REDIC1: variants seen among roughly 807,000 people sequenced by gnomAD.
REDIC1 encodes the protein HEI10 Interacting Protein 1.
chr12:39,785,744 C>G, the REDIC1 span, among the ~76,000 whole-genome samples: 1 of 152,144 alleles, frequency 6.6e-6, no homozygotes, highest in Non-Finnish European at 1.5e-5. Flanking sequence ...TGCCCAAGAC[C>G]ATGGGAACCC....
chr12:39,677,784 AG>A, the REDIC1 span, among the ~76,000 whole-genome samples: 1 of 152,332 alleles, frequency 6.6e-6, no homozygotes, highest in Non-Finnish European at 1.5e-5. Context: ...CAACTCCAAA[AG>A]GAACCCTGAA....
At chr12:39,837,437 CT>C in the REDIC1 span, among the ~76,000 whole-genome samples, 28 of 135,930 alleles carry the variant, frequency 2.1e-4, no homozygotes, top group African/African-American at 7.3e-4. Flanking sequence ...TGGGCAAGGA[CT>C]TCATGTCCAA....
At chr12:39,841,857 C>A in the REDIC1 span, among the ~76,000 whole-genome samples, 1 of 151,918 alleles carries the variant, frequency 6.6e-6, no homozygotes, top group East Asian at 1.9e-4. Flanking sequence ...TGCAAACAGA[C>A]CAAGTAAGTC....
the REDIC1 span, among the ~76,000 whole-genome samples, chr12:39,678,947 C>T: frequency 8.6e-5 from 13 of 151,930 alleles, no homozygotes; most frequent in African/African-American, 3.1e-4. Context: ...AGGGACATAC[C>T]TTAAGATAAT....
chr12:39,763,433 T>C, the REDIC1 span, among the ~76,000 whole-genome samples: 1 of 152,232 alleles, frequency 6.6e-6, no homozygotes, highest in East Asian at 1.9e-4. Flanking sequence ...TCCATGTATT[T>C]ATTCATTTGA....
chr12:39,640,950 T>C, the REDIC1 span: 3 of 1,609,168 alleles, frequency 1.9e-6, no homozygotes, highest in Non-Finnish European at 2.5e-6. Flanking sequence ...TGCTGCTTTT[T>C]TCAGGTCCAG....
the REDIC1 span, among the ~76,000 whole-genome samples, chr12:39,861,215 C>T: frequency 6.6e-6 from 1 of 152,198 alleles, no homozygotes; most frequent in Non-Finnish European, 1.5e-5. Context: ...CCAACTTCAT[C>T]TTCTATTACA....
At chr12:39,712,985 GTGTATATACGTGTATATGTATA>G in the REDIC1 span, among the ~76,000 whole-genome samples, 1 of 4,154 alleles carries the variant, frequency 2.4e-4, no homozygotes, top group Non-Finnish European at 5.9e-4. Context: ...ATATATACAT[GTGTATATACGTGTATATGTATA>G]TATACATGTG....
At chr12:39,897,978 T>C in the REDIC1 span, among the ~76,000 whole-genome samples, 5 of 152,142 alleles carry the variant, frequency 3.3e-5, no homozygotes, top group African/African-American at 1.2e-4. Context: ...GCTTGGCACA[T>C]AATAAACACT....
the REDIC1 span, among the ~76,000 whole-genome samples, chr12:39,712,299 T>A: frequency 1.2e-5 from 1 of 83,970 alleles, no homozygotes; most frequent in African/African-American, 3.8e-5. Flanking sequence ...TATGTATATA[T>A]ACATACATAT....
chr12:39,667,059 T>A, the REDIC1 span, among the ~76,000 whole-genome samples: 1 of 152,186 alleles, frequency 6.6e-6, no homozygotes. Flanking sequence ...TTTGTGTCTC[T>A]ATTTCCTTCA....
At chr12:39,809,589 T>C in the REDIC1 span, among the ~76,000 whole-genome samples, 1 of 152,162 alleles carries the variant, frequency 6.6e-6, no homozygotes. Flanking sequence ...ATGTGCCCTG[T>C]TGGTGTGCTG....
At chr12:39,713,346 G>A in the REDIC1 span, among the ~76,000 whole-genome samples, 1 of 117,954 alleles carries the variant, frequency 8.5e-6, no homozygotes, top group East Asian at 2.4e-4. Context: ...GTGTATATAT[G>A]TGTATACACA....
chr12:39,687,997 A>G, the REDIC1 span, among the ~76,000 whole-genome samples: 1 of 152,340 alleles, frequency 6.6e-6, no homozygotes, highest in South Asian at 2.1e-4. Flanking sequence ...ATTTTCAGCT[A>G]TACTGTTTTC....
the REDIC1 span, chr12:39,758,237 A>G: frequency 6.6e-6 from 1 of 151,892 alleles, no homozygotes; most frequent in East Asian, 1.9e-4. Flanking sequence ...TTTTTGGTTA[A>G]TGGATTTTTA....
the REDIC1 span, chr12:39,764,534 G>A: frequency 6.2e-7 from 1 of 1,612,334 alleles, no homozygotes; most frequent in Non-Finnish European, 8.5e-7. Flanking sequence ...GTTTATTCCA[G>A]ATGAACATGC....
At chr12:39,795,191 C>G in the REDIC1 span, among the ~76,000 whole-genome samples, 1 of 151,726 alleles carries the variant, frequency 6.6e-6, no homozygotes, top group Non-Finnish European at 1.5e-5. Context: ...GATCTCCCCC[C>G]ACCTCTCTCT....
At chr12:39,837,398 C>A in the REDIC1 span, among the ~76,000 whole-genome samples, 1 of 134,980 alleles carries the variant, frequency 7.4e-6, no homozygotes, top group Non-Finnish European at 1.6e-5. Flanking sequence ...TAGAAGAAAA[C>A]CTAGGCATTA....
At chr12:39,736,125 G>A in the REDIC1 span, among the ~76,000 whole-genome samples, 3 of 152,242 alleles carry the variant, frequency 2.0e-5, no homozygotes, top group Non-Finnish European at 4.4e-5. Context: ...TATGAGCTCA[G>A]AGCATAGAGC....
Sources: gnomAD v4.1 joint callset for allele counts (sites outside exome capture counted in the v4.1 genomes callset) on GRCh38, gnomAD v4.1.1 for gene constraint, MANE v1.5 for transcripts, NCBI Gene and HGNC (gene_info 2026-07-23, HGNC 2026-07-21) for gene names.